The following DLGAP1 variants were observed in gnomAD, a reference collection of about 807,000 sequenced individuals.
DLGAP1 encodes the protein disks large-associated protein 1.
DLGAP1 carries 11 observed loss-of-function variants against 90.8 expected under a neutral mutation model. The observed-to-expected ratio is 0.12, with a 90% CI of 0.08 to 0.20. The LOEUF is 0.20. Ranked by LOEUF, DLGAP1 falls within the 10% of genes least tolerant of loss-of-function variation. The pLI is 1.00. For missense variants in DLGAP1, 1,050 were observed against 1,333.8 expected (o/e 0.79, Z 3.31); for synonymous variants, 558 against 540.7 (o/e 1.03, Z -0.44).
intron 4 of DLGAP1, chr18:3,845,183 A>T: frequency 6.2e-7 from 1 of 1,603,566 alleles, no homozygotes; most frequent in South Asian, 1.1e-5. Context: ...TCAAGCACAA[A>T]GAAACGATTT....
intron 7 of DLGAP1, among the ~76,000 whole-genome samples, chr18:3,687,709 G>C (rs1221373954): frequency 1.3e-5 from 2 of 151,960 alleles, no homozygotes; most frequent in Admixed American, 6.6e-5. Flanking sequence ...AGTGTATACA[G>C]GACTTTCATA....
chr18:3,523,561 G>C (rs1388358863), intron 10 of DLGAP1, among the ~76,000 whole-genome samples: 1 of 151,690 alleles, frequency 6.6e-6, no homozygotes, highest in Non-Finnish European at 1.5e-5. Context: ...AATGGGCAAA[G>C]GTCCGACCAG....
chr18:3,597,026 C>T (rs372854087), intron 7 of DLGAP1: 1 of 520,132 alleles, frequency 1.9e-6, no homozygotes, highest in South Asian at 1.4e-5. Flanking sequence ...GTGGGAGGCA[C>T]CTGTGACACT....
intron 2 of DLGAP1, among the ~76,000 whole-genome samples, chr18:4,030,424 G>A (rs1475519078): frequency 2.0e-5 from 3 of 152,182 alleles, no homozygotes; most frequent in African/African-American, 7.2e-5. Flanking sequence ...TAAGAAGAAT[G>A]TGTGTTCAGA....
chr18:4,300,639 T>C (rs971930852), intron 1 of DLGAP1, among the ~76,000 whole-genome samples: 1 of 152,176 alleles, frequency 6.6e-6, no homozygotes, highest in South Asian at 2.1e-4. Flanking sequence ...TTTCTGCTTT[T>C]AAAGTGTCTT....
intron 2 of DLGAP1, among the ~76,000 whole-genome samples, chr18:4,020,557 C>T (rs113352057): frequency 2.0e-5 from 3 of 152,180 alleles, no homozygotes; most frequent in African/African-American, 7.2e-5. Flanking sequence ...GTGAAACTGC[C>T]TTAGCAAAAA....
chr18:3,523,393 T>TA (rs1014968479), intron 10 of DLGAP1, among the ~76,000 whole-genome samples: 2 of 145,410 alleles, frequency 1.4e-5, no homozygotes, highest in Non-Finnish European at 3.0e-5. Context: ...AAAAAAAAAT[T>TA]AAAAAAAATA....
chr18:3,977,432 G>GTTTTTTTTTTTTTT (rs1467413382), intron 3 of DLGAP1, among the ~76,000 whole-genome samples: 2 of 52,760 alleles, frequency 3.8e-5, no homozygotes, highest in African/African-American at 1.7e-4. Context: ...TGTTTATTCT[G>GTTTTTTTTTTTTTT]TGTTTTTTTT....
chr18:3,844,931 C>G (rs573218659), intron 4 of DLGAP1, among the ~76,000 whole-genome samples: 19 of 152,256 alleles, frequency 1.2e-4, no homozygotes, highest in African/African-American at 4.6e-4. Flanking sequence ...TCTAAATATT[C>G]TGCTGTTTAA....
chr18:3,987,475 C>T (rs1175278207), intron 3 of DLGAP1, among the ~76,000 whole-genome samples: 1 of 152,172 alleles, frequency 6.6e-6, no homozygotes, highest in African/African-American at 2.4e-5. Flanking sequence ...ATCTGTCTAC[C>T]AAAAGCAAAT....
intron 5 of DLGAP1, among the ~76,000 whole-genome samples, chr18:3,796,145 T>C (rs2148278112): frequency 6.7e-6 from 1 of 149,876 alleles, no homozygotes; most frequent in Non-Finnish European, 1.5e-5. Flanking sequence ...CTGTTCTGGG[T>C]TCTAATGCAG....
chr18:4,223,421 A>T (rs754038620), intron 1 of DLGAP1, among the ~76,000 whole-genome samples: 6 of 152,196 alleles, frequency 3.9e-5, no homozygotes, highest in Non-Finnish European at 8.8e-5. Flanking sequence ...ACAATTATGT[A>T]CCAAAATAGT....
intron 5 of DLGAP1, among the ~76,000 whole-genome samples, chr18:3,806,275 G>A (rs549649071): frequency 6.6e-6 from 1 of 152,298 alleles, no homozygotes; most frequent in South Asian, 2.1e-4. Context: ...GCCAGGCAAT[G>A]CAGATTTTTC....
At chr18:3,719,511 C>T (rs756577941) in intron 7 of DLGAP1, among the ~76,000 whole-genome samples, 3 of 142,732 alleles carry the variant, frequency 2.1e-5, no homozygotes, top group Non-Finnish European at 4.5e-5. Flanking sequence ...GAGCTGAGAG[C>T]GCGCCACTGC....
At chr18:3,794,500 G>A (rs960356164) in intron 5 of DLGAP1, among the ~76,000 whole-genome samples, 5 of 152,208 alleles carry the variant, frequency 3.3e-5, no homozygotes, top group Non-Finnish European at 5.9e-5. Flanking sequence ...AAAGGGTCCC[G>A]TGGAGAACCC....
At chr18:4,142,499 A>G (rs977714200) in intron 2 of DLGAP1, among the ~76,000 whole-genome samples, 3 of 152,218 alleles carry the variant, frequency 2.0e-5, no homozygotes, top group Non-Finnish European at 2.9e-5. Flanking sequence ...GAGACATGAA[A>G]AATAAACACG....
At chr18:4,032,816 A>G (rs558636926) in intron 2 of DLGAP1, among the ~76,000 whole-genome samples, 2 of 152,310 alleles carry the variant, frequency 1.3e-5, no homozygotes, top group East Asian at 1.9e-4. Flanking sequence ...TTCTCAATAG[A>G]GTGCAAACCT....
intron 1 of DLGAP1, among the ~76,000 whole-genome samples, chr18:4,362,359 A>G (rs987629757): frequency 6.6e-6 from 1 of 152,210 alleles, no homozygotes; most frequent in African/African-American, 2.4e-5. Flanking sequence ...AGGAATGGAT[A>G]AACAAACTGT....
At chr18:3,767,446 G>C (rs889684756) in intron 5 of DLGAP1, among the ~76,000 whole-genome samples, 2 of 151,778 alleles carry the variant, frequency 1.3e-5, no homozygotes, top group Admixed American at 1.3e-4. Context: ...GAAAAAGACA[G>C]TACAAAAAAA....
Sources: allele counts gnomAD v4.1 joint callset (sites outside exome capture counted in the v4.1 genomes callset), GRCh38; gene constraint gnomAD v4.1.1; transcripts MANE v1.5; gene names NCBI Gene and HGNC (gene_info 2026-07-23, HGNC 2026-07-21).